MYO3B: variants seen among roughly 807,000 people sequenced by gnomAD.
The protein encoded by MYO3B is myosin IIIB.
MYO3B carries 156 observed loss-of-function variants against 174.6 expected under a neutral mutation model. That is an observed-to-expected ratio of 0.89 (90% CI 0.78 to 1.02). The LOEUF is 1.02. MYO3B is among the 50% of genes least tolerant of loss of function. MYO3B has a pLI of 0.00. For missense variants in MYO3B, 1,632 were observed against 1,639.4 expected (o/e 1.00, Z 0.08); for synonymous variants, 563 against 569.1 (o/e 0.99, Z 0.15).
At chr2:170,437,204 T>C (rs1014310940) in intron 22 of MYO3B, among the ~76,000 whole-genome samples, 1 of 151,210 alleles carries the variant, frequency 6.6e-6, no homozygotes, top group African/African-American at 2.5e-5. Flanking sequence ...TGTCTCCCAC[T>C]CCCTACCCCA....
chr2:170,625,084 A>ATG (rs908711136), intron 32 of MYO3B, among the ~76,000 whole-genome samples: 5 of 152,232 alleles, frequency 3.3e-5, no homozygotes, highest in Non-Finnish European at 7.3e-5. Flanking sequence ...GCCTCATAAA[A>ATG]TGAATTAGGG....
chr2:170,345,196 T>A (rs1265288047), intron 8 of MYO3B: 1 of 152,214 alleles, frequency 6.6e-6, no homozygotes, highest in African/African-American at 2.4e-5. Context: ...TACTACATTC[T>A]TTCAGCCCAG....
chr2:170,259,812 A>T lies in MYO3B; in HGVS notation c.749+23676A>T, dbSNP rs117748683. ...GAATGGGAGAATATATTCACCAACT[A>T]TGCATCCACAAAGGTCAAATATCCA... On this transcript the variant is annotated intron_variant, in intron 7 of 34. Transcript: ENST00000408978. Among the ~76,000 whole-genome samples the T allele has an allele frequency of 1.2e-3, 179 of 152,314 alleles. No individual in the cohort carries two copies. The East Asian group carries it at 0.032, about 28-fold the overall frequency.
chr2:170,436,170 C>G (rs1176436910), intron 22 of MYO3B, among the ~76,000 whole-genome samples: 2 of 152,178 alleles, frequency 1.3e-5, no homozygotes, highest in African/African-American at 4.8e-5. Context: ...CCTTCCAACA[C>G]AGGACACATG....
intron 8 of MYO3B, among the ~76,000 whole-genome samples, chr2:170,364,565 T>C: frequency 6.6e-6 from 1 of 152,212 alleles, no homozygotes; most frequent in Non-Finnish European, 1.5e-5. Context: ...CTTTTGGAAT[T>C]TGCAATTCCT....
intron 18 of MYO3B, 111 bp downstream of exon 18, chr2:170,401,802 C>CTTTTTTTTTTTTTTTTTTTTTTTTTTT (rs769531863): frequency 1.7e-6 from 1 of 580,826 alleles, no homozygotes; most frequent in African/African-American, 2.1e-5. Context: ...CTTTCTTTTT[C>CTTTTTTTTTTTTTTTTTTTTTTTTTTT]TTTTTTTTTT....
intron 27 of MYO3B, among the ~76,000 whole-genome samples, chr2:170,500,165 G>T (rs1386803996): frequency 1.3e-5 from 2 of 152,152 alleles, no homozygotes; most frequent in African/African-American, 4.8e-5. Context: ...CAGGAGAAAA[G>T]ACATACAAAT....
At chr2:170,652,858 T>C in intron 34 of MYO3B, 125 bp from the exon 35 acceptor site, 1 of 998,608 alleles carries the variant, frequency 1.0e-6, no homozygotes, top group Non-Finnish European at 1.5e-6. Flanking sequence ...CTAGGAGCTG[T>C]CCTTCCCCTC....
intron 32 of MYO3B, among the ~76,000 whole-genome samples, chr2:170,644,825 A>C (rs1698242157): frequency 6.6e-6 from 1 of 152,230 alleles, no homozygotes; most frequent in African/African-American, 2.4e-5. Flanking sequence ...TGCTCCTGAA[A>C]TGCTATCCAG....
chr2:170,273,770 G>A (rs2093442437), intron 7 of MYO3B, among the ~76,000 whole-genome samples: 1 of 151,920 alleles, frequency 6.6e-6, no homozygotes, highest in African/African-American at 2.4e-5. Context: ...ATCACATAAA[G>A]TTGGTCTAAT....
intron 3 of MYO3B, among the ~76,000 whole-genome samples, chr2:170,208,724 C>G (rs2092740499): frequency 6.6e-6 from 1 of 152,108 alleles, no homozygotes; most frequent in African/African-American, 2.4e-5. Flanking sequence ...TCCAGTCCCT[C>G]ATTTTTTTGT....
At chr2:170,542,587 A>G (rs1204642085) in intron 30 of MYO3B, among the ~76,000 whole-genome samples, 1 of 152,194 alleles carries the variant, frequency 6.6e-6, no homozygotes, top group Non-Finnish European at 1.5e-5. Flanking sequence ...GCATCCATTT[A>G]GTTGGCTTCT....
chr2:170,337,937 G>C (rs1054442472), intron 8 of MYO3B: 1 of 152,144 alleles, frequency 6.6e-6, no homozygotes, highest in Non-Finnish European at 1.5e-5. Flanking sequence ...AGAAGAGGAG[G>C]GGTTGGTTCC....
At chr2:170,302,905 A>T (rs1200605833) in intron 7 of MYO3B, among the ~76,000 whole-genome samples, 2 of 152,184 alleles carry the variant, frequency 1.3e-5, no homozygotes, top group Non-Finnish European at 2.9e-5. Flanking sequence ...ATCTATTATT[A>T]TCCTTTTTAT....
At chr2:170,468,651 A>G (rs1325604157) in intron 25 of MYO3B, among the ~76,000 whole-genome samples, 1 of 152,214 alleles carries the variant, frequency 6.6e-6, no homozygotes, top group African/African-American at 2.4e-5. Flanking sequence ...CAATAGGGCC[A>G]GGTGAATTGG....
At chr2:170,440,966 TA>T (rs2094796603) in intron 22 of MYO3B, among the ~76,000 whole-genome samples, 1 of 151,800 alleles carries the variant, frequency 6.6e-6, no homozygotes, top group Non-Finnish European at 1.5e-5. Context: ...CACGCCCGGC[TA>T]ATTTTTGTAT....
intron 7 of MYO3B, among the ~76,000 whole-genome samples, chr2:170,271,650 C>A (rs574521501): frequency 6.6e-6 from 1 of 152,290 alleles, no homozygotes; most frequent in African/African-American, 2.4e-5. Flanking sequence ...ATGCAATGAA[C>A]TCTGAAGCTC....
intron 32 of MYO3B, among the ~76,000 whole-genome samples, chr2:170,586,631 A>G (rs577501762): frequency 3.9e-5 from 6 of 152,224 alleles, no homozygotes; most frequent in African/African-American, 1.4e-4. Flanking sequence ...ATTATTTTTC[A>G]TTTTCTGTGA....
chr2:170,510,583 T>C (rs1687914378), intron 28 of MYO3B, among the ~76,000 whole-genome samples: 1 of 151,908 alleles, frequency 6.6e-6, no homozygotes. Context: ...AACAGGATTT[T>C]TGCAGATGTA....
Sources: allele counts gnomAD v4.1 joint callset (sites outside exome capture counted in the v4.1 genomes callset), GRCh38; gene constraint gnomAD v4.1.1; transcripts MANE v1.5; gene names NCBI Gene and HGNC (gene_info 2026-07-23, HGNC 2026-07-21).